BTBD9: variants seen among roughly 807,000 people sequenced by gnomAD.
BTBD9 encodes the protein BTB/POZ domain-containing protein 9.
In BTBD9, 49 loss-of-function variants were observed where a neutral mutation model predicts 64.3. That is an observed-to-expected ratio of 0.76 (90% CI 0.61 to 0.97). The LOEUF is 0.97. Among genes scored for constraint, BTBD9 ranks in the 50% least tolerant of loss-of-function variants. BTBD9 has a pLI of 0.00. For missense variants in BTBD9, 598 were observed against 762.1 expected (o/e 0.78, Z 2.53); for synonymous variants, 260 against 274.7 (o/e 0.95, Z 0.53).
At chr6:38,374,320 T>TACATATATATATATATATAC (rs1230886475) in intron 6 of BTBD9, among the ~76,000 whole-genome samples, 1 of 114,462 alleles carries the variant, frequency 8.7e-6, no homozygotes, top group African/African-American at 3.4e-5. Context: ...TATATATATA[T>TACATATATATATATATATAC]ATATATGTAT....
intron 6 of BTBD9, among the ~76,000 whole-genome samples, chr6:38,350,073 G>C (rs1764442722): frequency 6.6e-6 from 1 of 152,194 alleles, no homozygotes; most frequent in Admixed American, 6.5e-5. Flanking sequence ...ACTGCTCAGG[G>C]CCATGTGGTC....
chr6:38,460,079 T>C (rs563766100), intron 6 of BTBD9, among the ~76,000 whole-genome samples: 1 of 152,354 alleles, frequency 6.6e-6, no homozygotes, highest in Non-Finnish European at 1.5e-5. Flanking sequence ...TCAATGCTAA[T>C]ACAATTATTT....
rs571018198 is a variant in BTBD9 at position 38,572,418 on chromosome 6, G to A, written c.1154+5182C>T. On this transcript the variant is annotated intron_variant, in intron 6 of 10. Transcript: ENST00000481247. Reference sequence around the variant, plus strand: ...TAGTGAGATGTTTATCATCACTTACGGCCTCTAATGTGACTACAACAACCA... The same window carrying A: ...TAGTGAGATGTTTATCATCACTTACAGCCTCTAATGTGACTACAACAACCA... 2.4e-4 allele frequency among the ~76,000 whole-genome samples: 37 copies of A among 152,068 alleles called. 1 individual carries two copies. The highest frequency in any genetic ancestry group is 8.0e-4 in the African/African-American group (33 of 41,474).
chr6:38,564,524 A>T (rs959491413), intron 6 of BTBD9, among the ~76,000 whole-genome samples: 16 of 152,220 alleles, frequency 1.1e-4, no homozygotes, highest in Admixed American at 3.3e-4. Flanking sequence ...CTGAGACCAC[A>T]TGTTTGGTAC....
intron 9 of BTBD9, among the ~76,000 whole-genome samples, chr6:38,226,657 A>T (rs1197459866): frequency 6.6e-6 from 1 of 152,258 alleles, no homozygotes; most frequent in Non-Finnish European, 1.5e-5. Flanking sequence ...CTGGAAAAAC[A>T]AGTATTAAAA....
intron 6 of BTBD9, among the ~76,000 whole-genome samples, chr6:38,457,787 C>A (rs1769886699): frequency 2.0e-5 from 3 of 152,146 alleles, no homozygotes; most frequent in Non-Finnish European, 4.4e-5. Flanking sequence ...ATCTCTTAAG[C>A]ACTCCAACAT....
intron 7 of BTBD9, among the ~76,000 whole-genome samples, chr6:38,314,428 A>T (rs1762960969): frequency 6.6e-6 from 1 of 151,652 alleles, no homozygotes; most frequent in Non-Finnish European, 1.5e-5. Flanking sequence ...ATTTTTTTTT[A>T]ATGTGTCTTT....
chr6:38,556,556 A>T (rs113817334), intron 6 of BTBD9, among the ~76,000 whole-genome samples: 3,316 of 65,080 alleles, frequency 0.051, 110 homozygotes, highest in African/African-American at 0.21. Context: ...TGTGTGAGAG[A>T]GAGAGAGAGA....
At chr6:38,393,811 T>C (rs898754740) in intron 6 of BTBD9, among the ~76,000 whole-genome samples, 1 of 152,222 alleles carries the variant, frequency 6.6e-6, no homozygotes, top group African/African-American at 2.4e-5. Context: ...TTATCACTTA[T>C]GACAGACAGA....
chr6:38,183,140 T>C (rs894989292), intron 10 of BTBD9, among the ~76,000 whole-genome samples: 15 of 152,148 alleles, frequency 9.9e-5, no homozygotes, highest in Middle Eastern at 3.4e-3. Flanking sequence ...CCACCACACC[T>C]GGCTAATTTT....
chr6:38,374,294 T>TAC lies in BTBD9; in HGVS notation c.1155-29202_1155-29201insGT, dbSNP rs1554143542. Reference sequence around the variant, plus strand: ...GAAAAAAAAAAAAAGTATATATATATATGTATATATATGTATATATATATA... The same window carrying TAC: ...GAAAAAAAAAAAAAGTATATATATATACATGTATATATATGTATATATATATA... On this transcript the variant is annotated intron_variant, in intron 6 of 10. Transcript: ENST00000481247. Among the ~76,000 whole-genome samples the TAC allele has an allele frequency of 1.0e-3, 81 of 80,288 alleles. 2 individuals are homozygous for TAC. Among genetic ancestry groups the TAC allele is most frequent in the Non-Finnish European group, 1.4e-3 (67 of 47,080 alleles). The allele number at this position is 80,288 out of a possible 152,430, so 52.7% of individuals were successfully genotyped here. A position where few individuals can be genotyped will look rare whatever the true frequency, so the allele number is the denominator to read the frequency against.
At chr6:38,286,122 G>T (rs1321169619) in intron 8 of BTBD9, among the ~76,000 whole-genome samples, 1 of 152,210 alleles carries the variant, frequency 6.6e-6, no homozygotes, top group African/African-American at 2.4e-5. Context: ...GGTCTGGCCT[G>T]AGGTACAAAC....
chr6:38,408,296 T>C (rs1309966394), intron 6 of BTBD9, among the ~76,000 whole-genome samples: 1 of 152,124 alleles, frequency 6.6e-6, no homozygotes, highest in Non-Finnish European at 1.5e-5. Context: ...AGTTCAAGTC[T>C]GCAGTGAGCT....
chr6:38,504,010 G>A lies in BTBD9; in HGVS notation c.1154+73590C>T, dbSNP rs113936524. Among the ~76,000 whole-genome samples the A allele has an allele frequency of 8.3e-4, 126 of 152,036 alleles. 1 individual carries two copies. The highest frequency in any genetic ancestry group is 3.0e-3 in the African/African-American group (123 of 41,484). On this transcript the variant is annotated intron_variant, in intron 6 of 10. Transcript: ENST00000481247. ...TTGAACCTTCTAATCCACTGATCCCGCCACAGTCTCACAACCCCTTTCTGC... is the reference window on the plus strand; with the variant it reads ...TTGAACCTTCTAATCCACTGATCCCACCACAGTCTCACAACCCCTTTCTGC...
At chr6:38,179,677 G>C in intron 10 of BTBD9, 1 of 456,768 alleles carries the variant, frequency 2.2e-6, no homozygotes, top group South Asian at 1.5e-5. Flanking sequence ...GGCAGGCTGG[G>C]AATGAACCTC....
At chr6:38,287,539 C>T (rs1371447206) in intron 8 of BTBD9, among the ~76,000 whole-genome samples, 1 of 152,096 alleles carries the variant, frequency 6.6e-6, no homozygotes, top group Non-Finnish European at 1.5e-5. Context: ...GTTATAATTG[C>T]CTACAGTCTT....
intron 9 of BTBD9, among the ~76,000 whole-genome samples, chr6:38,222,220 A>G (rs1035839680): frequency 6.6e-6 from 1 of 150,640 alleles, no homozygotes; most frequent in Non-Finnish European, 1.5e-5. Context: ...AGCTGAAGAG[A>G]GAAAGGACTA....
intron 6 of BTBD9, among the ~76,000 whole-genome samples, chr6:38,551,125 C>CTTTG (rs1774785568): frequency 6.6e-6 from 1 of 151,826 alleles, no homozygotes; most frequent in Non-Finnish European, 1.5e-5. Flanking sequence ...CTCTTCCCTG[C>CTTTG]TTTATTTATT....
chr6:38,465,306 A>C (rs1223224769), intron 6 of BTBD9, among the ~76,000 whole-genome samples: 1 of 151,500 alleles, frequency 6.6e-6, no homozygotes, highest in African/African-American at 2.4e-5. Flanking sequence ...AAAACAAAAA[A>C]TCAATTTATT....
Sources: allele counts gnomAD v4.1 joint callset (sites outside exome capture counted in the v4.1 genomes callset), GRCh38; gene constraint gnomAD v4.1.1; transcripts MANE v1.5; gene names NCBI Gene and HGNC (gene_info 2026-07-23, HGNC 2026-07-21).